The following GLE1 variants were observed in gnomAD, a reference collection of about 807,000 sequenced individuals.
GLE1 encodes GLE1 RNA export mediator.
In GLE1, 78 loss-of-function variants were observed where a neutral mutation model predicts 97.3. The ratio of observed to expected loss-of-function variants is 0.80; its 90% CI spans 0.67 to 0.97. The LOEUF (loss-of-function observed/expected upper bound fraction) is 0.97. GLE1 is among the 50% of genes least tolerant of loss of function. GLE1 has a pLI of 0.00. For synonymous variants in GLE1, 302 were observed against 313.4 expected (o/e 0.96, Z 0.39); for missense variants, 753 against 857.5 (o/e 0.88, Z 1.52).
intron 8 of GLE1, 82 bp downstream of exon 8, chr9:128,527,373 G>A: frequency 7.8e-7 from 1 of 1,278,340 alleles, no homozygotes; most frequent in Non-Finnish European, 1.1e-6. Flanking sequence ...AAGGAATGTA[G>A]CTGGCATGTC....
intron 1 of GLE1, among the ~76,000 whole-genome samples, chr9:128,507,587 A>C (rs1846676889): frequency 6.9e-6 from 1 of 145,892 alleles, no homozygotes; most frequent in Non-Finnish European, 1.5e-5. Flanking sequence ...CTGTCTCTCA[A>C]AAAAAAAAAA....
chr9:128,531,963 C>T (rs963390646), intron 9 of GLE1, among the ~76,000 whole-genome samples: 1 of 151,706 alleles, frequency 6.6e-6, no homozygotes, highest in Non-Finnish European at 1.5e-5. Flanking sequence ...ACTAACTTTC[C>T]TCCTACCTAG....
intron 1 of GLE1, 72 bp downstream of exon 1, chr9:128,504,976 C>T (rs1012479314): frequency 1.0e-6 from 1 of 984,776 alleles, no homozygotes; most frequent in South Asian, 1.3e-5. Flanking sequence ...TAGCCGTTGG[C>T]ACGTTCTGCT....
intron 9 of GLE1, among the ~76,000 whole-genome samples, 162 bp from the exon 10 acceptor site, chr9:128,533,351 A>G (rs973151247): frequency 6.7e-6 from 1 of 149,648 alleles, no homozygotes; most frequent in Non-Finnish European, 1.5e-5. Flanking sequence ...AATTGCTTCA[A>G]CTCGGGAGAC....
chr9:128,504,696 T>A, upstream of GLE1: 3 of 805,072 alleles, frequency 3.7e-6, no homozygotes, highest in South Asian at 4.0e-5. Flanking sequence ...GGCGGGGCTG[T>A]GCTGCGCGCG....
chr9:128,511,238 T>C lies in GLE1; in HGVS notation c.321+2141T>C, dbSNP rs539506378. 4.0e-5 allele frequency among the ~76,000 whole-genome samples: 6 copies of C among 149,176 alleles called. 1 individual carries two copies. The South Asian group carries it at 1.3e-3, about 31-fold the overall frequency. On this transcript the variant is annotated intron_variant, in intron 2 of 15. Transcript: ENST00000309971. ...GTATATATAGAGACTGAGTAAATAATAACAACAAAATAAATAATATATATA... is the reference window on the plus strand; with the variant it reads ...GTATATATAGAGACTGAGTAAATAACAACAACAAAATAAATAATATATATA...
At chr9:128,537,040 G>A in intron 12 of GLE1, 1 of 156,768 alleles carries the variant, frequency 6.4e-6, no homozygotes, top group Non-Finnish European at 1.4e-5. Context: ...AAGGTACCAA[G>A]AATAATAAAT....
In GLE1 at chr9:128,523,595, C is replaced by G. The variant is rs567230462; in HGVS notation, c.646C>G (p.Leu216Val). 6.2e-7 allele frequency: 1 copy of G among 1,614,016 alleles called. No individual in the cohort carries two copies. Among genetic ancestry groups the G allele is most frequent in the Admixed American group, 1.7e-5 (1 of 60,000 alleles). ...KAEHRHRAKI[L>V]NLKLREAEQQ... ...GTCACTCAGCCCTTTTCTACAGATT[C>G]TCAACCTGAAGCTGCGGGAAGCAGA... The change falls in exon 6 of 16, where the codon CTC becomes GTC. Residue 216 changes from leucine (L) to valine (V), a missense_variant. Leu to Val is a conservative substitution (Grantham distance 32, BLOSUM62 1). Transcript: ENST00000309971.
At chr9:128,530,271 C>A (rs546660762) in intron 9 of GLE1, among the ~76,000 whole-genome samples, 40 of 152,280 alleles carry the variant, frequency 2.6e-4, no homozygotes, top group African/African-American at 8.4e-4. Context: ...TCTTAGCTGC[C>A]TCAAGTTTAA....
At chr9:128,523,141 TG>T in intron 4 of GLE1, 138 bp from the exon 5 acceptor site, 1 of 767,612 alleles carries the variant, frequency 1.3e-6, no homozygotes, top group Non-Finnish European at 2.3e-6. Flanking sequence ...CTCTGCAGCC[TG>T]GGCAACATAA....
At chr9:128,521,636 CTCG>C (rs1470541911) in intron 3 of GLE1, among the ~76,000 whole-genome samples, 1 of 152,182 alleles carries the variant, frequency 6.6e-6, no homozygotes, top group African/African-American at 2.4e-5. Flanking sequence ...TAGCTGGCAT[CTCG>C]TCATCTTTAA....
At chr9:128,526,281 A>G (rs974740538) in intron 7 of GLE1, among the ~76,000 whole-genome samples, 1 of 151,896 alleles carries the variant, frequency 6.6e-6, no homozygotes, top group African/African-American at 2.4e-5. Flanking sequence ...CGGCCTCCCA[A>G]AATGCTAGGA....
chr9:128,538,438 G>A (rs1324034092), intron 13 of GLE1, among the ~76,000 whole-genome samples: 2 of 152,138 alleles, frequency 1.3e-5, no homozygotes, highest in East Asian at 1.9e-4. Flanking sequence ...CAAGGTGGGC[G>A]GATGACATGG....
chr9:128,520,358 G>C (rs1017564144), intron 3 of GLE1, among the ~76,000 whole-genome samples: 1 of 147,068 alleles, frequency 6.8e-6, no homozygotes, highest in African/African-American at 2.5e-5. Context: ...ATATATGTAT[G>C]TGTGTATATA....
intron 2 of GLE1, among the ~76,000 whole-genome samples, chr9:128,514,129 G>A (rs1846908047): frequency 6.6e-6 from 1 of 151,858 alleles, no homozygotes; most frequent in South Asian, 2.1e-4. Context: ...CCTGAGACTA[G>A]GAGTTTGGGA....
At position 128,515,624 on chromosome 9, in the gene GLE1, C is replaced by G; in HGVS notation, c.417C>G (p.His139Gln). The G allele has an allele frequency of 6.4e-7, 1 of 1,574,182 alleles. No individual in the cohort carries two copies. Among genetic ancestry groups the G allele is most frequent in the Non-Finnish European group, 8.7e-7 (1 of 1,143,724 alleles). The change falls in exon 3 of 16, where the codon CAC becomes CAG. Residue 139 changes from histidine (H) to glutamine (Q), a missense_variant. Transcript: ENST00000309971. ...EGCVRMYELV[H>Q]RMKGTEGLRL... ...GCGTCCGAATGTACGAACTGGTACACAGAATGAAAGGAACAGTAAGTGAAC... is the reference window on the plus strand; with the variant it reads ...GCGTCCGAATGTACGAACTGGTACAGAGAATGAAAGGAACAGTAAGTGAAC...
In GLE1 at chr9:128,539,647, A is replaced by G. The variant is rs1265922007; in HGVS notation, c.1913A>G (p.Gln638Arg). The G allele has an allele frequency of 6.2e-7, 1 of 1,611,934 alleles. No homozygotes were observed. The highest frequency in any genetic ancestry group is 2.2e-5 in the East Asian group (1 of 44,874). ...VCGNALMKQY[Q>R]VQFWKMLILI... ...GGGAATGCCCTCATGAAGCAATACC[A>G]GGTTCAGTTCTGGAAGATGCTAATT... The change falls in exon 14 of 16, where the codon CAG becomes CGG. Residue 638 changes from glutamine to arginine, a missense_variant. Physicochemically the swap from Gln to Arg is conservative, Grantham distance 43. Transcript: ENST00000309971.
intron 2 of GLE1, among the ~76,000 whole-genome samples, chr9:128,511,815 CTTTA>C (rs755070457): frequency 1.3e-5 from 2 of 151,206 alleles, no homozygotes; most frequent in African/African-American, 2.4e-5. Context: ...AGATTTATTT[CTTTA>C]TTTATTTTTG....
chr9:128,511,744 A>T (rs10988012), intron 2 of GLE1, among the ~76,000 whole-genome samples: 1 of 151,700 alleles, frequency 6.6e-6, no homozygotes, highest in African/African-American at 2.4e-5. Flanking sequence ...GGACTTAAAC[A>T]TAAAAAAAAA....
Sources: allele counts gnomAD v4.1 joint callset (sites outside exome capture counted in the v4.1 genomes callset), GRCh38; gene constraint gnomAD v4.1.1; transcripts MANE v1.5; gene names NCBI Gene and HGNC (gene_info 2026-07-23, HGNC 2026-07-21).